Variants in RABGAP1 observed in about 807,000 individuals in gnomAD.
RABGAP1 encodes the protein rab GTPase-activating protein 1.
Under a neutral mutation model 137.6 loss-of-function variants are expected in RABGAP1, and 23 were observed. That is an observed-to-expected ratio of 0.17 (90% CI 0.12 to 0.24). The LOEUF (loss-of-function observed/expected upper bound fraction) is 0.24. Among genes scored for constraint, RABGAP1 ranks in the 10% least tolerant of loss-of-function variants. The pLI is 1.00. For synonymous variants in RABGAP1, 451 were observed against 450.7 expected, an observed-to-expected ratio of 1.00 and a Z score of -0.01; for missense variants, 906 against 1,275.8, an observed-to-expected ratio of 0.71 and a Z score of 4.42.
rs561049630 is a variant in RABGAP1, at chr9:122,997,197, TG to T, written c.1102-57del. ...CTTCTGGTTTTTAAAGGCAGCAAGA[TG>T]GGGGTTAACTGTTGTTCACTCACTG... On this transcript the variant is annotated intron_variant, in intron 8 of 25. Transcript: ENST00000373647. The T allele has an allele frequency of 6.0e-5, 77 of 1,279,870 alleles. 1 individual carries two copies. The South Asian group carries it at 9.7e-4, about 16-fold the overall frequency. 79.3% of individuals were successfully genotyped at this position (1,279,870 alleles called of 1,614,324 possible).
intron 1 of RABGAP1, among the ~76,000 whole-genome samples, chr9:122,945,728 T>G (rs1833911440): frequency 6.6e-6 from 1 of 152,174 alleles, no homozygotes; most frequent in Non-Finnish European, 1.5e-5. Context: ...GGAAATAAAT[T>G]TTTCTCTGTA....
Position 122,990,810 on chromosome 9 carries a change from T to A in RABGAP1, c.923+597T>A, listed in dbSNP as rs796489261. ...AAAAAAAAAAAAATATATATATATA[T>A]ATATATATATATATATATATATATA... On this transcript the variant is annotated intron_variant, in intron 6 of 25. Transcript: ENST00000373647. 280 of 98,754 alleles carry A rather than the reference T, an allele frequency of 2.8e-3. 1 individual carries two copies. The highest frequency in any genetic ancestry group is 0.018 in the East Asian group (32 of 1,782). The allele number at this position is 98,754 out of a possible 1,614,324, so 6.1% of individuals were successfully genotyped here. A position where few individuals can be genotyped will look rare whatever the true frequency, so the allele number is the denominator to read the frequency against.
At chr9:122,987,292 A>T (rs1836423353) in intron 4 of RABGAP1, among the ~76,000 whole-genome samples, 1 of 152,226 alleles carries the variant, frequency 6.6e-6, no homozygotes. Context: ...AGATGAATGC[A>T]GGTAAAATAA....
intron 13 of RABGAP1, among the ~76,000 whole-genome samples, chr9:123,049,514 G>A (rs2033365531): frequency 6.6e-6 from 1 of 152,194 alleles, no homozygotes; most frequent in South Asian, 2.1e-4. Context: ...TTAATATTGA[G>A]CTCTACAGTG....
At chr9:123,079,546 C>G (rs2034643797) in intron 19 of RABGAP1, among the ~76,000 whole-genome samples, 1 of 152,036 alleles carries the variant, frequency 6.6e-6, no homozygotes, top group African/African-American at 2.4e-5. Context: ...GCCCGCCACT[C>G]TTGTTTAAAT....
At chr9:122,939,511 C>CT (rs771655722), upstream of RABGAP1, 1 of 151,618 alleles carries the variant, frequency 6.6e-6, no homozygotes, top group Non-Finnish European at 1.5e-5. Context: ...GCAATGTTTT[C>CT]TTTTTTTGTT....
chr9:122,975,181 A>G (rs1329549940), intron 2 of RABGAP1, among the ~76,000 whole-genome samples: 1 of 152,206 alleles, frequency 6.6e-6, no homozygotes, highest in African/African-American at 2.4e-5. Flanking sequence ...TTTTCTGATC[A>G]TCTAGGGACT....
chr9:122,997,388 C>G, intron 9 of RABGAP1, 27 bp downstream of exon 9: 1 of 1,518,816 alleles, frequency 6.6e-7, no homozygotes. Flanking sequence ...ACATCATGAA[C>G]AGAAATTTTA....
At chr9:122,961,654 C>G (rs571259936) in intron 2 of RABGAP1, among the ~76,000 whole-genome samples, 6 of 152,246 alleles carry the variant, frequency 3.9e-5, no homozygotes, top group African/African-American at 1.4e-4. Flanking sequence ...CTCCTTTTCT[C>G]TTTTGTGTTG....
intron 13 of RABGAP1, among the ~76,000 whole-genome samples, chr9:123,038,384 A>G (rs1335060278): frequency 6.6e-6 from 1 of 152,108 alleles, no homozygotes; most frequent in Non-Finnish European, 1.5e-5. Context: ...TTTTTACCGT[A>G]AATGCATTGC....
chr9:123,011,741 A>G (rs1275530036), intron 11 of RABGAP1, among the ~76,000 whole-genome samples: 1 of 152,162 alleles, frequency 6.6e-6, no homozygotes, highest in Non-Finnish European at 1.5e-5. Flanking sequence ...GATCACTTGA[A>G]GTCAGGAGTT....
chr9:122,969,010 A>G (rs1588186475), intron 2 of RABGAP1, among the ~76,000 whole-genome samples: 2 of 152,328 alleles, frequency 1.3e-5, no homozygotes, highest in African/African-American at 4.8e-5. Flanking sequence ...ATGATTTGTC[A>G]TCTTTACCAG....
chr9:123,001,572 A>G (rs558936432), intron 10 of RABGAP1, among the ~76,000 whole-genome samples: 25 of 152,286 alleles, frequency 1.6e-4, no homozygotes, highest in African/African-American at 4.6e-4. Flanking sequence ...TCCCAGCACT[A>G]TTCTCCCAGC....
At chr9:123,064,225 G>A (rs1389894585) in intron 13 of RABGAP1, among the ~76,000 whole-genome samples, 1 of 152,058 alleles carries the variant, frequency 6.6e-6, no homozygotes, top group African/African-American at 2.4e-5. Flanking sequence ...TTTTCCTTTT[G>A]TTGAAGAGCA....
chr9:123,058,186 A>G (rs2033823235), intron 13 of RABGAP1, among the ~76,000 whole-genome samples: 1 of 152,240 alleles, frequency 6.6e-6, no homozygotes, highest in South Asian at 2.1e-4. Flanking sequence ...CAAAAGGGGT[A>G]GAATAGCTGC....
chr9:122,935,045 A>G, the RABGAP1 span, among the ~76,000 whole-genome samples: 2 of 152,084 alleles, frequency 1.3e-5, no homozygotes, highest in Non-Finnish European at 2.9e-5. Context: ...TTTGTGTTTT[A>G]TATGCTTTTT....
Position 123,073,608 on chromosome 9 carries a change from C to T in RABGAP1, c.2040C>T (p.Leu680=). ...TCAAGATCATGTTTGACTATGGGCTCAGGGAACTTTTCAAGCAAAACTTCG... is the reference window on the plus strand; with the variant it reads ...TCAAGATCATGTTTGACTATGGGCTTAGGGAACTTTTCAAGCAAAACTTCG... ...VLVKIMFDYG[L]RELFKQNFED... The change falls in exon 16 of 26, where the codon CTC becomes CTT. Residue 680 remains leucine (L), a synonymous_variant. Coordinates refer to ENST00000373647, the MANE Select transcript of RABGAP1 (RefSeq NM_012197.4). The T allele has an allele frequency of 6.2e-7, 1 of 1,613,904 alleles. No individual in the cohort carries two copies.
chr9:122,967,574 C>A (rs1835229854), intron 2 of RABGAP1, among the ~76,000 whole-genome samples: 1 of 152,078 alleles, frequency 6.6e-6, no homozygotes, highest in Non-Finnish European at 1.5e-5. Context: ...CATCTTGTCT[C>A]CTTTTGGATT....
intron 1 of RABGAP1, among the ~76,000 whole-genome samples, chr9:122,942,664 C>T (rs13284547): frequency 0.71 from 84,350 of 118,026 alleles, 33,444 homozygotes; most frequent in Non-Finnish European, 0.88. Flanking sequence ...AGCGAGACTC[C>T]GTCTCAAAAA....
Sources: allele counts gnomAD v4.1 joint callset (sites outside exome capture counted in the v4.1 genomes callset), GRCh38; gene constraint gnomAD v4.1.1; transcripts MANE v1.5; gene names NCBI Gene and HGNC (gene_info 2026-07-23, HGNC 2026-07-21).